Variants in ZNF418 observed in about 807,000 individuals in gnomAD.
ZNF418 encodes the protein zinc finger protein 418.
ZNF418 carries 32 observed loss-of-function variants against 32.0 expected under a neutral mutation model. That is an observed-to-expected ratio of 1.00 (90% CI 0.75 to 1.34). ZNF418 has a LOEUF of 1.34. Among genes scored for constraint, ZNF418 ranks in the 40% most tolerant of loss-of-function variants. The pLI, the probability that ZNF418 is intolerant of heterozygous loss-of-function variation, is 0.00. For synonymous variants in ZNF418, 276 were observed against 270.7 expected (o/e 1.02, Z -0.19); for missense variants, 804 against 812.5 (o/e 0.99, Z 0.13).
rs773080623 is a variant in ZNF418 at position 57,927,666 on chromosome 19, G to C, written c.515C>G (p.Ser172Ter). Residue 172 changes from serine (S) to a stop codon, truncating the protein, a stop_gained, in exon 4 of 6, where the codon TCA (serine) becomes TGA (stop). Transcript: ENST00000396147. LOFTEE classifies it high-confidence loss of function. ...AGTGGCCTCCTGCAGCAGTAATCCT[G>C]AGCTGGGCAAAAAGTCCTTTCCACT... Reference protein sequence around the residue: ...IQSGKDFLPSSGLLLQEATHT... With the variant: ...IQSGKDFLPS 6.2e-6 allele frequency: 10 copies of C among 1,613,996 alleles called. No homozygotes were observed. The highest frequency in any genetic ancestry group is 8.5e-6 in the Non-Finnish European group (10 of 1,180,010).
In ZNF418 at chr19:57,926,131, G is replaced by C; in HGVS notation, c.*19C>G. 1 of 1,594,198 alleles carries C rather than the reference G, an allele frequency of 6.3e-7. No individual in the cohort carries two copies. The highest frequency in any genetic ancestry group is 8.6e-7 in the Non-Finnish European group (1 of 1,168,918). On this transcript the variant is annotated 3_prime_UTR_variant, in exon 4 of 6. Transcript: ENST00000396147. Reference sequence around the variant, plus strand: ...GAAGATGCACAGAGGTTTAGCTAAAGAATTTCCCAAATTTCTTTTCACTTG... The same window carrying C: ...GAAGATGCACAGAGGTTTAGCTAAACAATTTCCCAAATTTCTTTTCACTTG...
In ZNF418 at chr19:57,926,284, T is replaced by C; in HGVS notation, c.1897A>G (p.Ser633Gly). The C allele has an allele frequency of 6.2e-7, 1 of 1,608,062 alleles. No individual in the cohort carries two copies. The highest frequency in any genetic ancestry group is 8.5e-7 in the Non-Finnish European group (1 of 1,175,420). Reference sequence around the variant, plus strand: ...TGTACTCTCCTGTGTTCAGTAAGACTGAAGGTTTCAGCAAAGGATTTCCCA... The same window carrying C: ...TGTACTCTCCTGTGTTCAGTAAGACCGAAGGTTTCAGCAAAGGATTTCCCA... ...ECGKSFAETF[S>G]LTEHRRVHTG... The change falls in exon 4 of 6, where the codon AGT becomes GGT. Residue 633 changes from serine to glycine, a missense_variant. This residue lies in a region of ZNF418 where 475 missense variants were observed against 458.6 expected (regional missense o/e 1.04). Coordinates refer to ENST00000396147, the MANE Select transcript of ZNF418 (RefSeq NM_133460.3).
Position 57,925,960 on chromosome 19 carries a change from G to A in ZNF418, c.*190C>T, listed in dbSNP as rs2072199364. 3.4e-6 allele frequency: 2 copies of A among 579,850 alleles called. No homozygotes were observed. Among genetic ancestry groups the A allele is most frequent in the Non-Finnish European group, 6.1e-6 (2 of 327,642 alleles). The allele number at this position is 579,850 out of a possible 1,614,324, so 35.9% of individuals were successfully genotyped here. ...ATCTGTTATCCAATGACAGAAGGCA[G>A]AAGGCTTTCTCACATTCATCGCACT... On this transcript the variant is annotated 3_prime_UTR_variant, in exon 4 of 6. Coordinates refer to ENST00000396147, the MANE Select transcript of ZNF418 (RefSeq NM_133460.3).
rs2072652098 is a variant in ZNF418 at position 57,935,240 on chromosome 19, C to T, written c.-160G>A. 1 of 1,223,580 alleles carries T rather than the reference C, an allele frequency of 8.2e-7. No individual in the cohort carries two copies. Among genetic ancestry groups the T allele is most frequent in the Non-Finnish European group, 1.0e-6 (1 of 966,206 alleles). 75.8% of individuals were successfully genotyped at this position (1,223,580 alleles called of 1,614,324 possible). Reference sequence around the variant, plus strand: ...CTGCCGGGAGCGGCGGGCGCCGTTACGGGGCCTAAGATCTGCCTCTGTGCA... The same window carrying T: ...CTGCCGGGAGCGGCGGGCGCCGTTATGGGGCCTAAGATCTGCCTCTGTGCA... On this transcript the variant is annotated 5_prime_UTR_variant, in exon 1 of 6. Coordinates refer to ENST00000396147, the MANE Select transcript of ZNF418 (RefSeq NM_133460.3).
rs1162836646 is a variant in ZNF418 at position 57,927,199 on chromosome 19, T to C, written c.982A>G (p.Thr328Ala). Residue 328 changes from threonine (T) to alanine (A), a missense_variant, in exon 4 of 6, where the codon ACT (threonine) becomes GCT (alanine). Thr to Ala is a moderately conservative substitution (Grantham distance 58, BLOSUM62 0). Coordinates refer to ENST00000396147, the MANE Select transcript of ZNF418 (RefSeq NM_133460.3). The stretch of plus-strand genomic sequence containing the variant: ...TGAACTCGTTGATGTTTAATGAGAG[T>C]ACCATTTTGACTAAAAGATTTCCCA... ...ECGKSFSQNG[T>A]LIKHQRVHTG... The C allele has an allele frequency of 5.0e-6, 8 of 1,613,438 alleles. No homozygotes were observed. Among genetic ancestry groups the C allele is most frequent in the Non-Finnish European group, 6.8e-6 (8 of 1,179,910 alleles).
rs373486255 is a variant in ZNF418 at position 57,928,018 on chromosome 19, C to T, written c.163G>A (p.Ala55Thr). Reference sequence around the variant, plus strand: ...ATAGAAATGCTCTTCTTAGAAGGTGCCTCCTCATCTTCTGATCCACACCAA... The same window carrying T: ...ATAGAAATGCTCTTCTTAGAAGGTGTCTCCTCATCTTCTGATCCACACCAA... ...GCWCGSEDEE[A>T]PSKKSISIQR... The change falls in exon 4 of 6, where the codon GCA becomes ACA. Residue 55 changes from alanine (A) to threonine (T), a missense_variant. Physicochemically the swap from Ala to Thr is moderately conservative, Grantham distance 58 (BLOSUM62 0). This residue lies in a region of ZNF418 where 307 missense variants were observed against 304.9 expected (regional missense o/e 1.01). Coordinates refer to ENST00000396147, the MANE Select transcript of ZNF418 (RefSeq NM_133460.3). 6.4e-7 allele frequency: 1 copy of T among 1,554,544 alleles called. No individual in the cohort carries two copies. The highest frequency in any genetic ancestry group is 1.9e-5 in the Admixed American group (1 of 53,054).
intron 2 of ZNF418, chr19:57,932,651 G>C: frequency 7.1e-7 from 1 of 1,417,610 alleles, no homozygotes; most frequent in Non-Finnish European, 9.2e-7. Context: ...AATGGTCTAA[G>C]AAAAGTGGAA....
In ZNF418 at chr19:57,927,340, T is replaced by G. The variant is rs564835287; in HGVS notation, c.841A>C (p.Thr281Pro). The G allele has an allele frequency of 3.7e-6, 6 of 1,613,942 alleles. No individual in the cohort carries two copies. Among genetic ancestry groups the G allele is most frequent in the Non-Finnish European group, 5.1e-6 (6 of 1,180,020 alleles). ...GSLVQHQRVH[T>P]GKRPYECGEC... is the part of the protein sequence containing the mutation. ...CCACATTCATAAGGTCTTTTCCCAG[T>G]GTGAACTCGCTGATGCTGAACAAGG... Residue 281 changes from threonine to proline, a missense_variant, in exon 4 of 6, where the codon ACT becomes CCT. By Grantham distance (38) the Thr-to-Pro change is conservative. Transcript: ENST00000396147.
At chr19:57,923,431 T>C (rs1418002195) in intron 4 of ZNF418, 142 bp from the exon 5 acceptor site, 1 of 151,362 alleles carries the variant, frequency 6.6e-6, no homozygotes, top group African/African-American at 2.4e-5. Context: ...TATATACATA[T>C]ACACACACAT....
At position 57,927,159 on chromosome 19, in the gene ZNF418, G is replaced by GTTAT; in HGVS notation, c.1021_1022insATAA (p.Pro341HisfsTer4). 3 of 1,614,016 alleles carry GTTAT rather than the reference G, an allele frequency of 1.9e-6. No individual in the cohort carries two copies. The highest frequency in any genetic ancestry group is 2.5e-6 in the Non-Finnish European group (3 of 1,180,024). ...TTTCCCACATTCTTCACACTCATAAGGTCTTTCTCCAGTGTGAACTCGTTG... is the reference window on the plus strand; with the variant it reads ...TTTCCCACATTCTTCACACTCATAAGTTATGTCTTTCTCCAGTGTGAACTCGTTG... On this transcript the variant is annotated frameshift_variant, in exon 4 of 6. Coordinates refer to ENST00000396147, the MANE Select transcript of ZNF418 (RefSeq NM_133460.3). LOFTEE classifies it low-confidence loss of function (END_TRUNC).
chr19:57,922,994 TC>T (rs1416041988), intron 5 of ZNF418, among the ~76,000 whole-genome samples, 197 bp downstream of exon 5: 1 of 107,854 alleles, frequency 9.3e-6, no homozygotes, highest in Non-Finnish European at 1.9e-5. Flanking sequence ...AGTGACACTG[TC>T]TCAAAAAAAA....
intron 2 of ZNF418, chr19:57,932,732 T>C: frequency 2.3e-6 from 2 of 885,000 alleles, no homozygotes; most frequent in Non-Finnish European, 3.1e-6. Flanking sequence ...CTGTCACAGA[T>C]AACCAAATTT....
chr19:57,933,218 A>C (rs1336127784), intron 2 of ZNF418, among the ~76,000 whole-genome samples: 3 of 152,260 alleles, frequency 2.0e-5, no homozygotes, highest in Non-Finnish European at 4.4e-5. Flanking sequence ...CCATCACTGC[A>C]GATGCTAAGA....
At position 57,925,609 on chromosome 19, in the gene ZNF418, C is replaced by A; in HGVS notation, c.*527+14G>T. ...GAAAGAAATGAGAAAGGAATGACAGCTGAGACTACTCACCAATTCCTCTGG... is the reference window on the plus strand; with the variant it reads ...GAAAGAAATGAGAAAGGAATGACAGATGAGACTACTCACCAATTCCTCTGG... On this transcript the variant is annotated intron_variant, in intron 4 of 5. Transcript: ENST00000396147. 6.2e-6 allele frequency: 1 copy of A among 160,432 alleles called. No individual in the cohort carries two copies. The highest frequency in any genetic ancestry group is 1.4e-5 in the Non-Finnish European group (1 of 72,370). 9.9% of individuals were successfully genotyped at this position (160,432 alleles called of 1,614,324 possible). A position where few individuals can be genotyped will look rare whatever the true frequency, so the allele number is the denominator to read the frequency against.
chr19:57,926,601 C>T lies in ZNF418; in HGVS notation c.1580G>A (p.Arg527Gln), dbSNP rs535839531. ...TTCTCCAGTATGAACTCTCCGATGT[C>T]GAAGGAGGGAACAGCTTTGAGGAAA... Reference protein sequence around the residue: ...KSFPQSCSLLRHRRVHTGERP... With the variant: ...KSFPQSCSLLQHRRVHTGERP... The change falls in exon 4 of 6, where the codon CGA (arginine) becomes CAA (glutamine). Residue 527 changes from arginine (R) to glutamine (Q), a missense_variant. Arg to Gln is a conservative substitution (Grantham distance 43). Around this residue, in one of 3 missense-constraint regions of ZNF418, gnomAD observed 475 missense variants for 458.6 expected, o/e 1.04. Coordinates refer to ENST00000396147, the MANE Select transcript of ZNF418 (RefSeq NM_133460.3). The T allele has an allele frequency of 3.3e-5, 54 of 1,613,662 alleles. No individual in the cohort carries two copies. In the East Asian group the frequency reaches 8.0e-4, roughly 24 times the overall value.
chr19:57,923,529 T>TATATAC (rs2072086439), intron 4 of ZNF418, among the ~76,000 whole-genome samples: 1 of 126,278 alleles, frequency 7.9e-6, no homozygotes, highest in African/African-American at 2.9e-5. Context: ...CATATATACA[T>TATATAC]ATATATACAT....
chr19:57,922,962 T>C (rs774845015), intron 5 of ZNF418, among the ~76,000 whole-genome samples: 3 of 144,976 alleles, frequency 2.1e-5, no homozygotes, highest in Non-Finnish European at 3.0e-5. Context: ...ATTGTGTCAC[T>C]GTACTCCAGC....
chr19:57,925,994 C>T lies in ZNF418; in HGVS notation c.*156G>A, dbSNP rs773436763. 5 of 628,424 alleles carry T rather than the reference C, an allele frequency of 8.0e-6. No homozygotes were observed. Among genetic ancestry groups the T allele is most frequent in the Non-Finnish European group, 1.1e-5 (4 of 364,568 alleles). 38.9% of individuals were successfully genotyped at this position (628,424 alleles called of 1,614,324 possible). A position where few individuals can be genotyped will look rare whatever the true frequency, so the allele number is the denominator to read the frequency against. ...CTCACATTCATCGCACTCAAGAGGC[C>T]CTTCTGCAGTGGGAGCTCTTCTGTA... On this transcript the variant is annotated 3_prime_UTR_variant, in exon 4 of 6. Transcript: ENST00000396147.
chr19:57,925,905 T>C lies in ZNF418; in HGVS notation c.*245A>G. On this transcript the variant is annotated 3_prime_UTR_variant, in exon 4 of 6. Transcript: ENST00000396147. ...GTTTTACAAGAAATAATATTTCCTG[T>C]ACGTGTACAGTGTTTTCCTTATGAG... 3.9e-6 allele frequency: 2 copies of C among 507,474 alleles called. No homozygotes were observed. Among genetic ancestry groups the C allele is most frequent in the Non-Finnish European group, 7.0e-6 (2 of 287,396 alleles). 31.4% of individuals were successfully genotyped at this position (507,474 alleles called of 1,614,324 possible).
Sources: gnomAD v4.1 joint callset for allele counts (sites outside exome capture counted in the v4.1 genomes callset) on GRCh38, gnomAD v4.1.1 for gene constraint, gnomAD v4.1.1 regional missense constraint, MANE v1.5 for transcripts, NCBI Gene and HGNC (gene_info 2026-07-23, HGNC 2026-07-21) for gene names.